Variants in NRG1 observed in about 807,000 individuals in gnomAD.
NRG1 encodes neuregulin 1.
Under a neutral mutation model 63.8 loss-of-function variants are expected in NRG1, and 18 were observed. The observed-to-expected ratio is 0.28, with a 90% CI of 0.19 to 0.42. The LOEUF is 0.42. NRG1 is among the 10% of genes least tolerant of loss of function. The pLI is 1.00. For missense variants in NRG1, 762 were observed against 814.7 expected, an observed-to-expected ratio of 0.94 and a Z score of 0.79; for synonymous variants, 302 against 301.3, an observed-to-expected ratio of 1.00 and a Z score of -0.02.
In NRG1 at chr8:32,440,151, C is replaced by A. The variant is rs533841771; in HGVS notation, c.38-155677C>A. ...AGGGGAACTGTCACACACTTTTAAA[C>A]CATCAGATCTCGAGATAACTCACTG... On this transcript the variant is annotated intron_variant, in intron 1 of 10. Coordinates refer to the NRG1 transcript ENST00000519301. 2.6e-5 allele frequency among the ~76,000 whole-genome samples: 4 copies of A among 152,104 alleles called. No homozygotes were observed. In the South Asian group the frequency reaches 8.3e-4, roughly 32 times the overall value.
intron 5 of NRG1, 26 bp downstream of exon 5, chr8:32,616,911 A>C: frequency 6.5e-7 from 1 of 1,531,818 alleles, no homozygotes; most frequent in Non-Finnish European, 9.0e-7. Flanking sequence ...TATTCTATTC[A>C]CTGGTTTTTA....
At chr8:31,738,569 C>CTG (rs1814931791) in intron 1 of NRG1, among the ~76,000 whole-genome samples, 1 of 152,004 alleles carries the variant, frequency 6.6e-6, no homozygotes, top group Non-Finnish European at 1.5e-5. Context: ...TCAGTGAAAT[C>CTG]TGTGTGTGTG....
intron 5 of NRG1, among the ~76,000 whole-genome samples, chr8:32,632,099 T>C (rs1850415849): frequency 6.6e-6 from 1 of 152,222 alleles, no homozygotes; most frequent in Non-Finnish European, 1.5e-5. Context: ...AAAAGTAATG[T>C]TTTATTTTTG....
intron 1 of NRG1, among the ~76,000 whole-genome samples, chr8:31,803,938 T>C (rs1171448701): frequency 6.6e-6 from 1 of 152,224 alleles, no homozygotes; most frequent in African/African-American, 2.4e-5. Flanking sequence ...TCTCTTCTCC[T>C]AGCTGTTTAC....
rs1239664075 is a variant in NRG1, at chr8:32,370,034, GA to G, written c.38-225786del. Among the ~76,000 whole-genome samples the G allele has an allele frequency of 6.0e-5, 9 of 151,012 alleles. No individual in the cohort carries two copies. The East Asian group carries it at 1.4e-3, about 23-fold the overall frequency. The stretch of plus-strand genomic sequence containing the variant: ...CTCCAAAGTGCTGGTTCAGAGAAAA[GA>G]AAAAAAAGGGACATAGGTCAGGAAA... On this transcript the variant is annotated intron_variant, in intron 1 of 10. Transcript: ENST00000519301.
chr8:32,175,109 A>G (rs1478263563), intron 1 of NRG1, among the ~76,000 whole-genome samples: 2 of 152,244 alleles, frequency 1.3e-5, no homozygotes, highest in Admixed American at 1.3e-4. Context: ...TGAATCCAGC[A>G]GCACATCAAA....
At chr8:31,706,649 C>T (rs114462840) in intron 1 of NRG1, among the ~76,000 whole-genome samples, 2,235 of 152,244 alleles carry the variant, frequency 0.015, 53 homozygotes, top group African/African-American at 0.051. Flanking sequence ...GTGCTTAGTT[C>T]GGCTCTTACC....
At chr8:31,657,112 T>A (rs1333332583) in intron 1 of NRG1, among the ~76,000 whole-genome samples, 1 of 152,218 alleles carries the variant, frequency 6.6e-6, no homozygotes, top group East Asian at 1.9e-4. Context: ...TAGCTATTAT[T>A]TGCATAGGGA....
intron 6 of NRG1, among the ~76,000 whole-genome samples, chr8:32,730,345 C>T (rs911399413): frequency 1.2e-4 from 18 of 152,086 alleles, no homozygotes; most frequent in African/African-American, 3.6e-4. Context: ...CCCAACTATT[C>T]GGGAGGCTAA....
chr8:31,711,466 TG>T (rs1811734736), intron 1 of NRG1, among the ~76,000 whole-genome samples: 1 of 152,204 alleles, frequency 6.6e-6, no homozygotes, highest in Non-Finnish European at 1.5e-5. Context: ...CTGTTTTTGC[TG>T]GACTACCTTA....
At chr8:31,839,147 A>G (rs1378926839) in intron 1 of NRG1, among the ~76,000 whole-genome samples, 1 of 152,176 alleles carries the variant, frequency 6.6e-6, no homozygotes. Flanking sequence ...TCATAAATGA[A>G]CTATTTTAGC....
chr8:31,642,022 T>C (rs1803842086), intron 1 of NRG1, among the ~76,000 whole-genome samples: 1 of 152,164 alleles, frequency 6.6e-6, no homozygotes. Context: ...ACAATGTACT[T>C]TGTATGCCAG....
chr8:32,399,503 G>A (rs1405868265), intron 1 of NRG1, among the ~76,000 whole-genome samples: 3 of 152,176 alleles, frequency 2.0e-5, no homozygotes, highest in Admixed American at 1.3e-4. Context: ...TCAGGAGTTC[G>A]AGGCCAGCGT....
intron 6 of NRG1, among the ~76,000 whole-genome samples, chr8:32,729,628 C>A: frequency 6.6e-6 from 1 of 152,122 alleles, no homozygotes. Context: ...AAAAAGGCAC[C>A]AGAAATAGTC....
chr8:32,109,188 A>G (rs568712697), intron 1 of NRG1, among the ~76,000 whole-genome samples: 2 of 152,294 alleles, frequency 1.3e-5, no homozygotes, highest in South Asian at 2.1e-4. Flanking sequence ...CAAGGGCCCA[A>G]TGATATGAGC....
At chr8:31,758,636 G>C (rs898937553) in intron 1 of NRG1, among the ~76,000 whole-genome samples, 6 of 152,134 alleles carry the variant, frequency 3.9e-5, no homozygotes, top group Admixed American at 3.9e-4. Flanking sequence ...GTTGTTACAT[G>C]TACTAGTAGT....
intron 5 of NRG1, among the ~76,000 whole-genome samples, chr8:32,625,985 G>T (rs2129543286): frequency 6.6e-6 from 1 of 151,834 alleles, no homozygotes; most frequent in African/African-American, 2.4e-5. Flanking sequence ...GTAGAGATGG[G>T]GTTTCACCAT....
intron 1 of NRG1, among the ~76,000 whole-genome samples, chr8:31,860,608 G>C (rs1242482291): frequency 3.3e-5 from 5 of 152,066 alleles, no homozygotes; most frequent in Admixed American, 3.3e-4. Flanking sequence ...TAATAATGAT[G>C]ACAATAATAA....
At chr8:32,719,555 C>T (rs767660183) in intron 5 of NRG1, among the ~76,000 whole-genome samples, 13 of 151,926 alleles carry the variant, frequency 8.6e-5, no homozygotes, top group Non-Finnish European at 1.3e-4. Flanking sequence ...TTAATGATAA[C>T]CCCTTAATAT....
Sources: allele counts gnomAD v4.1 joint callset (sites outside exome capture counted in the v4.1 genomes callset), GRCh38; gene constraint gnomAD v4.1.1; transcripts MANE v1.5; gene names NCBI Gene and HGNC (gene_info 2026-07-23, HGNC 2026-07-21).